The following HTR2C variants were observed in gnomAD, a reference collection of about 807,000 sequenced individuals.
HTR2C encodes 5-hydroxytryptamine (serotonin) receptor 2C, G protein-coupled.
HTR2C carries 5 observed loss-of-function variants against 21.0 expected under a neutral mutation model. The observed-to-expected ratio is 0.24, with a 90% CI of 0.12 to 0.50. The LOEUF (loss-of-function observed/expected upper bound fraction) is 0.50, where lower values mean the gene tolerates loss of function less well. HTR2C is among the 20% of genes least tolerant of loss of function. The pLI is 0.98. For synonymous variants in HTR2C, 150 were observed against 145.3 expected, an observed-to-expected ratio of 1.03 and a Z score of -0.23; for missense variants, 271 against 371.2, an observed-to-expected ratio of 0.73 and a Z score of 2.22.
chrX:114,603,577 G>A (rs1486382748), intron 1 of HTR2C, among the ~76,000 whole-genome samples: 4 of 100,319 alleles, frequency 4.0e-5, no homozygotes, highest in Non-Finnish European at 8.0e-5. Flanking sequence ...GAGGGAGCAC[G>A]TGTGTTTTTA....
At chrX:114,704,385 G>A (rs1259913425) in intron 2 of HTR2C, among the ~76,000 whole-genome samples, 4 of 111,285 alleles carry the variant, frequency 3.6e-5, no homozygotes, top group Non-Finnish European at 7.5e-5. Context: ...TTCATCCCTG[G>A]GATGCAAGGC....
chrX:114,619,837 C>T (rs1410963286), intron 2 of HTR2C, among the ~76,000 whole-genome samples: 2 of 111,373 alleles, frequency 1.8e-5, no homozygotes, highest in African/African-American at 6.5e-5. Context: ...ATTCCTGTCT[C>T]CTCCACTAGA....
chrX:114,633,932 GTA>G (rs1332332101), intron 2 of HTR2C, among the ~76,000 whole-genome samples: 16 of 89,426 alleles, frequency 1.8e-4, no homozygotes, highest in African/African-American at 6.7e-4. Flanking sequence ...ATATGCATGT[GTA>G]TATATATATA....
At chrX:114,837,877 G>T (rs1271968774) in intron 4 of HTR2C, among the ~76,000 whole-genome samples, 1 of 110,934 alleles carries the variant, frequency 9.0e-6, no homozygotes, top group African/African-American at 3.3e-5. Context: ...TTATTGTATT[G>T]CTATTTATAA....
At chrX:114,736,977 C>T (rs782596555) in intron 4 of HTR2C, among the ~76,000 whole-genome samples, 9 of 110,461 alleles carry the variant, frequency 8.1e-5, no homozygotes, top group Non-Finnish European at 1.5e-4. Flanking sequence ...ATAGGATACA[C>T]ATAAAGGAGT....
intron 4 of HTR2C, among the ~76,000 whole-genome samples, chrX:114,805,973 A>G (rs1468193281): frequency 1.0e-4 from 3 of 29,730 alleles, no homozygotes; most frequent in Non-Finnish European, 2.5e-4. Flanking sequence ...TACCATATAT[A>G]TACACCATAT....
chrX:114,772,889 A>G (rs782684060), intron 4 of HTR2C, among the ~76,000 whole-genome samples: 3 of 111,455 alleles, frequency 2.7e-5, no homozygotes, highest in African/African-American at 9.8e-5. Context: ...ATTTTCCTTC[A>G]GTTGGTTAAA....
rs369475254 is a variant in HTR2C, at chrX:114,907,204, T to C, written c.1166T>C (p.Val389Ala). Residue 389 changes from valine to alanine, a missense_variant, in exon 6 of 6, where the codon GTA (valine) becomes GCA (alanine). By Grantham distance (64) the Val-to-Ala change is moderately conservative (BLOSUM62 0). Transcript: ENST00000276198. ...AACTATTTGCGTTGCAATTATAAGG[T>C]AGAGAAAAAGCCTCCTGTCAGGCAG... is the stretch of plus-strand genomic sequence containing the variant. ...FSNYLRCNYK[V>A]EKKPPVRQIP... 2.6e-5 allele frequency: 32 copies of C among 1,209,430 alleles called. No homozygotes were observed. Among genetic ancestry groups the C allele is most frequent in the Non-Finnish European group, 3.0e-5 (27 of 895,056 alleles).
chrX:114,666,953 C>A (rs1455687067), intron 2 of HTR2C, among the ~76,000 whole-genome samples: 1 of 110,867 alleles, frequency 9.0e-6, no homozygotes, highest in Non-Finnish European at 1.9e-5. Flanking sequence ...TTACAAACAA[C>A]CTTGCATTAT....
At chrX:114,741,241 C>G (rs1253948476) in intron 4 of HTR2C, among the ~76,000 whole-genome samples, 1 of 109,016 alleles carries the variant, frequency 9.2e-6, no homozygotes, top group Non-Finnish European at 1.9e-5. Context: ...ATTGGGAGGG[C>G]CGGGCACGGT....
At chrX:114,809,113 T>C (rs2070506638) in intron 4 of HTR2C, among the ~76,000 whole-genome samples, 1 of 111,442 alleles carries the variant, frequency 9.0e-6, no homozygotes, top group Admixed American at 9.5e-5. Flanking sequence ...TGGGCAGGCC[T>C]GGAGTTGCTG....
At chrX:114,625,190 C>A (rs1298686162) in intron 2 of HTR2C, among the ~76,000 whole-genome samples, 2 of 111,681 alleles carry the variant, frequency 1.8e-5, no homozygotes, top group Admixed American at 9.5e-5. Context: ...TGATTGGAAG[C>A]ACCCTGAGGC....
chrX:114,722,943 C>G (rs1556421048), intron 2 of HTR2C, among the ~76,000 whole-genome samples: 4 of 110,714 alleles, frequency 3.6e-5, no homozygotes, highest in East Asian at 5.7e-4. Flanking sequence ...ATTTTTGCAT[C>G]AATGTTCATC....
At chrX:114,777,389 G>A (rs1356581302) in intron 4 of HTR2C, among the ~76,000 whole-genome samples, 2 of 111,767 alleles carry the variant, frequency 1.8e-5, no homozygotes, top group African/African-American at 3.3e-5. Flanking sequence ...GGAATACAGA[G>A]ATGTGTACCA....
At chrX:114,876,512 T>C (rs2071138935) in intron 5 of HTR2C, among the ~76,000 whole-genome samples, 1 of 105,347 alleles carries the variant, frequency 9.5e-6, no homozygotes, top group African/African-American at 3.5e-5. Flanking sequence ...CCTTGTCTTG[T>C]TCCTCATCTT....
intron 5 of HTR2C, among the ~76,000 whole-genome samples, chrX:114,863,905 G>C (rs1349884333): frequency 9.0e-6 from 1 of 110,816 alleles, no homozygotes; most frequent in Non-Finnish European, 1.9e-5. Flanking sequence ...TTTGTCTCTT[G>C]CAAAAATTTT....
At chrX:114,813,941 C>T (rs1556453531) in intron 4 of HTR2C, among the ~76,000 whole-genome samples, 1 of 111,049 alleles carries the variant, frequency 9.0e-6, no homozygotes, top group Non-Finnish European at 1.9e-5. Context: ...AATATATATG[C>T]TAGGATACAG....
At chrX:114,606,358 G>A (rs781927816) in intron 1 of HTR2C, among the ~76,000 whole-genome samples, 1 of 111,774 alleles carries the variant, frequency 8.9e-6, no homozygotes, top group Non-Finnish European at 1.9e-5. Context: ...TGCCGCTTAA[G>A]GTGAAGGATC....
intron 5 of HTR2C, among the ~76,000 whole-genome samples, chrX:114,876,422 C>CTT (rs60498146): frequency 0.017 from 1,086 of 62,383 alleles, 74 homozygotes; most frequent in African/African-American, 0.056. Context: ...CTTTTTCTTT[C>CTT]TTTTTTTTTT....
Sources: allele counts gnomAD v4.1 joint callset (sites outside exome capture counted in the v4.1 genomes callset), GRCh38; gene constraint gnomAD v4.1.1; transcripts MANE v1.5; gene names NCBI Gene and HGNC (gene_info 2026-07-23, HGNC 2026-07-21).